The following MED13L variants were observed in gnomAD, a reference collection of about 807,000 sequenced individuals.
MED13L encodes the protein mediator of RNA polymerase II transcription subunit 13-like.
In MED13L, 7 loss-of-function variants were observed where a neutral mutation model predicts 220.9. The observed-to-expected ratio is 0.03, with a 90% CI of 0.02 to 0.06. MED13L has a LOEUF of 0.06. Ranked by LOEUF, MED13L falls within the 10% of genes least tolerant of loss-of-function variation. MED13L has a pLI of 1.00. For synonymous variants in MED13L, 1,011 were observed against 1,015.2 expected (o/e 1.00, Z 0.08); for missense variants, 1,965 against 2,760.5 (o/e 0.71, Z 6.46).
chr12:116,036,072 G>A (rs951130483), intron 4 of MED13L, among the ~76,000 whole-genome samples: 2 of 152,088 alleles, frequency 1.3e-5, no homozygotes, highest in Non-Finnish European at 2.9e-5. Flanking sequence ...CTCCATGAGG[G>A]TAGAAACCAT....
At chr12:116,166,522 T>A (rs1012559044) in intron 2 of MED13L, among the ~76,000 whole-genome samples, 1 of 151,948 alleles carries the variant, frequency 6.6e-6, no homozygotes. Flanking sequence ...ACGCTGAGGC[T>A]GCAGTGAGCC....
intron 3 of MED13L, among the ~76,000 whole-genome samples, chr12:116,098,834 T>TTTAGAAA (rs1872828226): frequency 6.6e-6 from 1 of 152,048 alleles, no homozygotes; most frequent in Non-Finnish European, 1.5e-5. Flanking sequence ...AAATAGGAAA[T>TTTAGAAA]ATGGCACACC....
chr12:116,028,998 C>G (rs77457849), intron 4 of MED13L, among the ~76,000 whole-genome samples: 6 of 152,222 alleles, frequency 3.9e-5, no homozygotes, highest in Middle Eastern at 3.4e-3. Flanking sequence ...GGTAACCCAA[C>G]GCTGAAGCAC....
intron 2 of MED13L, among the ~76,000 whole-genome samples, chr12:116,198,781 A>G (rs992517708): frequency 1.3e-5 from 2 of 152,198 alleles, no homozygotes; most frequent in Non-Finnish European, 2.9e-5. Flanking sequence ...CATAGTAAGC[A>G]TGCAAAACCT....
chr12:116,118,775 C>G (rs1165584033), intron 2 of MED13L, among the ~76,000 whole-genome samples: 1 of 152,160 alleles, frequency 6.6e-6, no homozygotes, highest in African/African-American at 2.4e-5. Flanking sequence ...CACTACTTGA[C>G]CGTGTTATGT....
At chr12:116,165,774 T>C (rs1272687665) in intron 2 of MED13L, among the ~76,000 whole-genome samples, 1 of 152,052 alleles carries the variant, frequency 6.6e-6, no homozygotes, top group African/African-American at 2.4e-5. Flanking sequence ...TAACATGGAT[T>C]CTCCTTGTCT....
At chr12:116,018,029 A>C (rs967304536) in intron 7 of MED13L, among the ~76,000 whole-genome samples, 1 of 151,774 alleles carries the variant, frequency 6.6e-6, no homozygotes, top group Non-Finnish European at 1.5e-5. Flanking sequence ...CTGAGTAATT[A>C]CCTCCAGACA....
chr12:116,031,759 A>AGAAAAGAAAGAAGGAAGGAAGGAAG (rs1592967502), intron 4 of MED13L, among the ~76,000 whole-genome samples: 4 of 40,986 alleles, frequency 9.8e-5, no homozygotes, highest in African/African-American at 2.2e-4. Flanking sequence ...AGAAAAGAAA[A>AGAAAAGAAAGAAGGAAGGAAGGAAG]GAAGGAAGGA....
In MED13L at chr12:116,148,609, CTATATATATA is replaced by C. The variant is rs3043743; in HGVS notation, c.311-37107_311-37098del. 28 of 183,326 alleles carry C rather than the reference CTATATATATA, an allele frequency of 1.5e-4. No homozygotes were observed. The South Asian group carries it at 1.8e-3, about 12-fold the overall frequency. The allele number at this position is 183,326 out of a possible 1,614,324, so 11.4% of individuals were successfully genotyped here. ...TCTATCTCCATATATATGGAGATAT[CTATATATATA>C]TATATATATATACGGAGCTAGATAT... On this transcript the variant is annotated intron_variant, in intron 2 of 30. Coordinates refer to ENST00000281928, the MANE Select transcript of MED13L (RefSeq NM_015335.5).
At chr12:116,170,036 A>T (rs1879560151) in intron 2 of MED13L, among the ~76,000 whole-genome samples, 1 of 152,094 alleles carries the variant, frequency 6.6e-6, no homozygotes, top group South Asian at 2.1e-4. Flanking sequence ...CAAACAAAAA[A>T]TCGTATCAAT....
At chr12:115,980,961 A>C in intron 22 of MED13L, 23 bp from the exon 23 acceptor site, 1 of 1,600,514 alleles carries the variant, frequency 6.2e-7, no homozygotes, top group Non-Finnish European at 8.5e-7. Context: ...ATACAAAAAA[A>C]AAACAAAAAC....
chr12:116,195,909 G>T (rs1041671471), intron 2 of MED13L, among the ~76,000 whole-genome samples: 4 of 151,970 alleles, frequency 2.6e-5, no homozygotes, highest in African/African-American at 4.8e-5. Context: ...CAATGGAAAT[G>T]AAAAACTGAG....
At chr12:116,168,558 C>A (rs1306463090) in intron 2 of MED13L, among the ~76,000 whole-genome samples, 1 of 152,136 alleles carries the variant, frequency 6.6e-6, no homozygotes, top group African/African-American at 2.4e-5. Context: ...GGTACCAAGA[C>A]ACCATGAAAA....
At chr12:116,219,625 TATTA>T (rs953347532) in intron 2 of MED13L, among the ~76,000 whole-genome samples, 4 of 152,240 alleles carry the variant, frequency 2.6e-5, no homozygotes, top group African/African-American at 4.8e-5. Context: ...ATTGTACACA[TATTA>T]ATTGTTTGAA....
intron 2 of MED13L, among the ~76,000 whole-genome samples, chr12:116,198,009 C>A (rs906868425): frequency 1.3e-5 from 2 of 152,068 alleles, no homozygotes; most frequent in Non-Finnish European, 2.9e-5. Flanking sequence ...TTAGCAAACA[C>A]CTATGAATGC....
chr12:116,254,348 C>CA (rs1223181805), intron 1 of MED13L, among the ~76,000 whole-genome samples: 3 of 151,770 alleles, frequency 2.0e-5, no homozygotes, highest in Non-Finnish European at 2.9e-5. Context: ...CAAGGATTTA[C>CA]AAAAAAAGCT....
At chr12:116,214,733 T>G (rs1320014829) in intron 2 of MED13L, among the ~76,000 whole-genome samples, 2 of 152,166 alleles carry the variant, frequency 1.3e-5, no homozygotes, top group East Asian at 3.9e-4. Flanking sequence ...AAAAAACCAG[T>G]ACAGTTCACA....
At chr12:116,097,059 AT>A (rs537553628) in intron 3 of MED13L, among the ~76,000 whole-genome samples, 1 of 152,186 alleles carries the variant, frequency 6.6e-6, no homozygotes, top group Non-Finnish European at 1.5e-5. Context: ...CTTCTGCATA[AT>A]TTCAATTCTT....
At chr12:116,245,638 T>A (rs1424721314) in intron 1 of MED13L, among the ~76,000 whole-genome samples, 1 of 152,184 alleles carries the variant, frequency 6.6e-6, no homozygotes. Context: ...GAGAATTTTT[T>A]AAAAGCTCTT....
Sources: gnomAD v4.1 joint callset for allele counts (sites outside exome capture counted in the v4.1 genomes callset) on GRCh38, gnomAD v4.1.1 for gene constraint, MANE v1.5 for transcripts, NCBI Gene and HGNC (gene_info 2026-07-23, HGNC 2026-07-21) for gene names.